Variants in AKAP19 observed in about 807,000 individuals in gnomAD.
AKAP19 encodes small A-kinase anchoring protein.
chr2:190,009,625 G>C, the AKAP19 span, among the ~76,000 whole-genome samples: 2 of 152,174 alleles, frequency 1.3e-5, no homozygotes, highest in Admixed American at 6.5e-5. Flanking sequence ...AAAATCCAAA[G>C]GGAGCTGTTA....
the AKAP19 span, among the ~76,000 whole-genome samples, chr2:189,956,750 T>C: frequency 2.0e-5 from 3 of 152,066 alleles, no homozygotes; most frequent in African/African-American, 7.2e-5. Context: ...GACTAATTAA[T>C]TTTTTAATTT....
the AKAP19 span, among the ~76,000 whole-genome samples, chr2:190,034,921 A>G: frequency 6.6e-6 from 1 of 151,952 alleles, no homozygotes; most frequent in Admixed American, 6.6e-5. Flanking sequence ...AAAGTATTCA[A>G]AAGTAGAGAG....
the AKAP19 span, among the ~76,000 whole-genome samples, chr2:189,913,182 C>G: frequency 1.3e-5 from 2 of 152,026 alleles, no homozygotes; most frequent in Non-Finnish European, 2.9e-5. Context: ...TGACAAATGT[C>G]TTTAATAAAA....
chr2:190,011,491 CA>C, the AKAP19 span, among the ~76,000 whole-genome samples: 2 of 152,042 alleles, frequency 1.3e-5, no homozygotes, highest in East Asian at 1.9e-4. Context: ...GGGTCAAATG[CA>C]AAAAAATTAT....
chr2:189,952,735 T>C, the AKAP19 span, among the ~76,000 whole-genome samples: 1 of 152,248 alleles, frequency 6.6e-6, no homozygotes, highest in Non-Finnish European at 1.5e-5. Flanking sequence ...ATGTGACGTA[T>C]CCTTTTAAGA....
the AKAP19 span, among the ~76,000 whole-genome samples, chr2:189,989,465 C>T: frequency 6.6e-6 from 1 of 151,678 alleles, no homozygotes; most frequent in South Asian, 2.1e-4. Flanking sequence ...AAAAAATATA[C>T]TAGGCAAATA....
chr2:189,980,684 C>A, the AKAP19 span, among the ~76,000 whole-genome samples: 9 of 151,878 alleles, frequency 5.9e-5, no homozygotes, highest in African/African-American at 1.9e-4. Context: ...ACATTTTGTA[C>A]GTTGATTTTG....
the AKAP19 span, among the ~76,000 whole-genome samples, chr2:189,968,382 C>A: frequency 6.6e-6 from 1 of 152,052 alleles, no homozygotes; most frequent in African/African-American, 2.4e-5. Context: ...GGACTACAGG[C>A]AAGTACGACT....
At chr2:190,092,124 G>A in the AKAP19 span, among the ~76,000 whole-genome samples, 2 of 151,912 alleles carry the variant, frequency 1.3e-5, no homozygotes, top group Non-Finnish European at 2.9e-5. Flanking sequence ...TCAGATTTTT[G>A]TTATAATAAT....
At chr2:190,183,733 G>A in the AKAP19 span, among the ~76,000 whole-genome samples, 34 of 152,126 alleles carry the variant, frequency 2.2e-4, no homozygotes, top group East Asian at 6.6e-3. Context: ...GAATAGTTCT[G>A]TGCTGACATC....
the AKAP19 span, among the ~76,000 whole-genome samples, chr2:189,902,153 A>C: frequency 1 from 151,900 of 152,054 alleles, 75,874 homozygotes; most frequent in Middle Eastern, 1. Context: ...TTCTGTGAAG[A>C]CTAGGAGATT....
the AKAP19 span, among the ~76,000 whole-genome samples, chr2:190,140,282 C>T: frequency 1.2e-4 from 19 of 152,182 alleles, no homozygotes; most frequent in African/African-American, 4.6e-4. Context: ...TGCAAGCTCT[C>T]TGTGGATCTA....
chr2:190,120,698 G>A, the AKAP19 span, among the ~76,000 whole-genome samples: 37 of 152,236 alleles, frequency 2.4e-4, no homozygotes, highest in Non-Finnish European at 5.1e-4. Flanking sequence ...TTTATAATCA[G>A]CAGTAGGAAA....
At chr2:190,027,628 T>C in the AKAP19 span, among the ~76,000 whole-genome samples, 2 of 152,186 alleles carry the variant, frequency 1.3e-5, no homozygotes, top group East Asian at 1.9e-4. Flanking sequence ...AATGTGCATA[T>C]GTAAGTGCAA....
chr2:190,092,444 G>A, the AKAP19 span, among the ~76,000 whole-genome samples: 3 of 151,872 alleles, frequency 2.0e-5, no homozygotes, highest in Non-Finnish European at 2.9e-5. Flanking sequence ...GGGATCCACC[G>A]TTTTGTCTTG....
chr2:190,117,876 G>T, the AKAP19 span, among the ~76,000 whole-genome samples: 1 of 152,150 alleles, frequency 6.6e-6, no homozygotes, highest in Non-Finnish European at 1.5e-5. Context: ...AGGCTGGGAA[G>T]GTCCCCTTTT....
At chr2:190,005,008 A>C in the AKAP19 span, among the ~76,000 whole-genome samples, 1 of 152,182 alleles carries the variant, frequency 6.6e-6, no homozygotes, top group South Asian at 2.1e-4. Flanking sequence ...CAGCTCTTAA[A>C]GATGGTGTGT....
At chr2:190,125,045 C>T in the AKAP19 span, among the ~76,000 whole-genome samples, 1 of 152,112 alleles carries the variant, frequency 6.6e-6, no homozygotes, top group South Asian at 2.1e-4. Flanking sequence ...TCTCCTCTGA[C>T]AACATGCCTG....
the AKAP19 span, among the ~76,000 whole-genome samples, chr2:190,114,532 T>C: frequency 6.6e-6 from 1 of 152,238 alleles, no homozygotes; most frequent in Non-Finnish European, 1.5e-5. Flanking sequence ...CTCGGCTCAC[T>C]GCAAGCTTCA....
Sources: allele counts gnomAD v4.1 joint callset (sites outside exome capture counted in the v4.1 genomes callset), GRCh38; gene constraint gnomAD v4.1.1; transcripts MANE v1.5; gene names NCBI Gene and HGNC (gene_info 2026-07-23, HGNC 2026-07-21).